Variants in DDI2 observed in about 807,000 individuals in gnomAD.
DDI2 encodes DDI proteasomal shuttling factor 2, also known as protein DDI1 homolog 2.
A neutral mutation model predicts 48.1 loss-of-function variants in DDI2; 5 were observed. The observed-to-expected ratio is 0.10, with a 90% confidence interval of 0.05 to 0.22. DDI2 has a LOEUF of 0.22. DDI2 is among the 10% of genes least tolerant of loss of function. The probability of loss-of-function intolerance (pLI) is 1.00; values close to 1 mark genes in which losing one functional copy is unlikely to be tolerated. For synonymous variants in DDI2, 205 were observed against 183.6 expected (o/e 1.12, Z -0.94); for missense variants, 285 against 506.2 (o/e 0.56, Z 4.19).
chr1:15,643,192 G>T (rs1640037220), intron 5 of DDI2, among the ~76,000 whole-genome samples: 1 of 152,250 alleles, frequency 6.6e-6, no homozygotes, highest in Non-Finnish European at 1.5e-5. Context: ...TCGGTAAGAA[G>T]TGCAAAGTAC....
In DDI2 at chr1:15,665,235, C is replaced by T. The variant is rs1640435159; in HGVS notation, c.*5445C>T. Reference sequence around the variant, plus strand: ...AGAGATCACGCCATTGCACTCCAGCCTGGGCAACAAGAGCAAAACTCTGTC... The same window carrying T: ...AGAGATCACGCCATTGCACTCCAGCTTGGGCAACAAGAGCAAAACTCTGTC... On this transcript the variant is annotated 3_prime_UTR_variant, in exon 10 of 10. Coordinates refer to ENST00000480945, the MANE Select transcript of DDI2 (RefSeq NM_032341.5). The T allele has an allele frequency of 7.0e-6, 1 of 142,068 alleles. No homozygotes were observed. 8.8% of individuals were successfully genotyped at this position (142,068 alleles called of 1,614,324 possible).
At chr1:15,644,593 T>G (rs1396691741) in intron 6 of DDI2, among the ~76,000 whole-genome samples, 21 of 128,696 alleles carry the variant, frequency 1.6e-4, no homozygotes, top group Non-Finnish European at 2.5e-4. Flanking sequence ...TTTTGTTTTT[T>G]TTTTTTTTTT....
At chr1:15,653,697 A>G (rs1353582176) in intron 8 of DDI2, among the ~76,000 whole-genome samples, 3 of 152,032 alleles carry the variant, frequency 2.0e-5, no homozygotes, top group African/African-American at 4.8e-5. Flanking sequence ...AGGTTTTGCC[A>G]TGTTGCCCAG....
chr1:15,630,428 A>C lies in DDI2; in HGVS notation c.372A>C (p.Glu124Asp). The C allele has an allele frequency of 6.2e-7, 1 of 1,614,258 alleles. No individual in the cohort carries two copies. Among genetic ancestry groups the C allele is most frequent in the Non-Finnish European group, 8.5e-7 (1 of 1,180,040 alleles). Residue 124 changes from glutamate (E) to aspartate (D), a missense_variant, in exon 3 of 10, where the codon GAA becomes GAC. Coordinates refer to ENST00000480945, the MANE Select transcript of DDI2 (RefSeq NM_032341.5). ...AGCAGTCCCACTCATCTCCTGGAGAAATAACTTCATCTCCTCAGGGCTTGG... is the reference window on the plus strand; with the variant it reads ...AGCAGTCCCACTCATCTCCTGGAGACATAACTTCATCTCCTCAGGGCTTGG... ...GTQQSHSSPGEITSSPQGLDN... is the reference protein window; with the variant it reads ...GTQQSHSSPGDITSSPQGLDN...
chr1:15,655,780 G>A (rs1431474107), intron 8 of DDI2, among the ~76,000 whole-genome samples: 2 of 150,410 alleles, frequency 1.3e-5, no homozygotes, highest in Admixed American at 6.6e-5. Context: ...AAAAAAATTA[G>A]CCAGGCATGG....
rs1346135096 is a variant in DDI2, at chr1:15,660,914, G to C, written c.*1124G>C. The C allele has an allele frequency of 3.7e-6, 6 of 1,613,682 alleles. No homozygotes were observed. The highest frequency in any genetic ancestry group is 5.1e-6 in the Non-Finnish European group (6 of 1,179,948). On this transcript the variant is annotated 3_prime_UTR_variant, in exon 10 of 10. Transcript: ENST00000480945. ...TCTGTGGAGTCAGCAGAAGAATCTT[G>C]CCCGTCTATAACGGCAGCCTTGAAA...
intron 5 of DDI2, 78 bp from the exon 6 acceptor site, chr1:15,643,444 A>G: frequency 1.9e-6 from 3 of 1,554,694 alleles, no homozygotes; most frequent in Non-Finnish European, 2.6e-6. Context: ...TCGCTTTGTT[A>G]TTATTTAGTG....
At chr1:15,651,608 C>T (rs1345872863) in intron 7 of DDI2, 98 bp from the exon 8 acceptor site, 31 of 1,183,006 alleles carry the variant, frequency 2.6e-5, no homozygotes, top group East Asian at 8.1e-5. Context: ...CATGAGTCAC[C>T]GTGCCTGGCC....
At chr1:15,645,560 T>G in intron 6 of DDI2, among the ~76,000 whole-genome samples, 1 of 152,232 alleles carries the variant, frequency 6.6e-6, no homozygotes, top group East Asian at 1.9e-4. Flanking sequence ...ATCCTTGGCA[T>G]CAGCTCACAT....
At chr1:15,657,460 C>G (rs1640289034) in intron 9 of DDI2, among the ~76,000 whole-genome samples, 1 of 152,110 alleles carries the variant, frequency 6.6e-6, no homozygotes, top group Admixed American at 6.6e-5. Flanking sequence ...TTGAATTATT[C>G]TTAATATCCA....
chr1:15,651,282 A>G (rs572637272), intron 7 of DDI2, among the ~76,000 whole-genome samples: 2 of 152,340 alleles, frequency 1.3e-5, no homozygotes, highest in South Asian at 2.1e-4. Flanking sequence ...TAAATCATAT[A>G]TGTGCACAAC....
At chr1:15,619,470 C>CTT (rs556693940) in intron 1 of DDI2, among the ~76,000 whole-genome samples, 2 of 125,694 alleles carry the variant, frequency 1.6e-5, no homozygotes, top group Non-Finnish European at 1.7e-5. Context: ...CTTTTCTTTT[C>CTT]TTTTTTTTTT....
At position 15,660,022 on chromosome 1, in the gene DDI2, G is replaced by T; in HGVS notation, c.*232G>T. 1 of 1,614,152 alleles carries T rather than the reference G, an allele frequency of 6.2e-7. No homozygotes were observed. The highest frequency in any genetic ancestry group is 8.5e-7 in the Non-Finnish European group (1 of 1,180,028). ...TGACTCAGATCGCATTGAACCTAAA[G>T]CTGTGAAGGCTTTGAAGGCTTCAGC... On this transcript the variant is annotated 3_prime_UTR_variant, in exon 10 of 10. Transcript: ENST00000480945.
In DDI2 at chr1:15,666,080, C is replaced by CTT. The variant is rs200455250; in HGVS notation, c.*6297_*6298dup. On this transcript the variant is annotated 3_prime_UTR_variant, in exon 10 of 10. Transcript: ENST00000480945. ...TAGGAGGTAGAGAAAATAAAAATAGCTTTTTTTTCCCTAGAATTGCTAATT... is the reference window on the plus strand; with the variant it reads ...TAGGAGGTAGAGAAAATAAAAATAGCTTTTTTTTTTCCCTAGAATTGCTAATT... The CTT allele has an allele frequency of 6.6e-6, 1 of 151,914 alleles. No homozygotes were observed. Among genetic ancestry groups the CTT allele is most frequent in the Non-Finnish European group, 1.5e-5 (1 of 67,960 alleles). 9.4% of individuals were successfully genotyped at this position (151,914 alleles called of 1,614,324 possible).
Position 15,652,550 on chromosome 1 carries a change from G to A in DDI2, c.1183+655G>A, listed in dbSNP as rs188570867. Among the ~76,000 whole-genome samples, 465 of 148,412 alleles carry A rather than the reference G, an allele frequency of 3.1e-3. 1 individual carries two copies. The highest frequency in any genetic ancestry group is 0.015 in the South Asian group (70 of 4,562). ...CTAAAAATATAAAAATTGGCCAGGC[G>A]CGGTGGCTCACGCCTGTAATCCCAG... On this transcript the variant is annotated intron_variant, in intron 8 of 9. Coordinates refer to ENST00000480945, the MANE Select transcript of DDI2 (RefSeq NM_032341.5).
Position 15,660,008 on chromosome 1 carries a change from G to T in DDI2, c.*218G>T, listed in dbSNP as rs144088253. On this transcript the variant is annotated 3_prime_UTR_variant, in exon 10 of 10. Transcript: ENST00000480945. The stretch of plus-strand genomic sequence containing the variant: ...CCTATCAAGCCCAGTGACTCAGATC[G>T]CATTGAACCTAAAGCTGTGAAGGCT... 2.5e-6 allele frequency: 4 copies of T among 1,614,144 alleles called. No homozygotes were observed. Among genetic ancestry groups the T allele is most frequent in the East Asian group, 4.5e-5 (2 of 44,882 alleles).
rs1570996155 is a variant in DDI2 at position 15,661,552 on chromosome 1, T to C, written c.*1762T>C. The C allele has an allele frequency of 6.2e-7, 1 of 1,614,180 alleles. No individual in the cohort carries two copies. ...TGAACCACCTACCAGCCATCCATCA[T>C]CAAGTCCTGCCATTCTTCCACCATT... On this transcript the variant is annotated 3_prime_UTR_variant, in exon 10 of 10. Transcript: ENST00000480945.
chr1:15,637,402 C>T (rs770575635), intron 4 of DDI2, among the ~76,000 whole-genome samples: 24 of 152,122 alleles, frequency 1.6e-4, no homozygotes, highest in Admixed American at 1.0e-3. Context: ...TTTGGTGTCT[C>T]GCTCTGTCGC....
intron 5 of DDI2, among the ~76,000 whole-genome samples, chr1:15,641,413 A>G (rs6659252): frequency 0.21 from 31,501 of 151,714 alleles, 3,411 homozygotes; most frequent in Middle Eastern, 0.26. Context: ...CAGAGATTGC[A>G]GTGGGCTGAG....
Sources: gnomAD v4.1 joint callset for allele counts (sites outside exome capture counted in the v4.1 genomes callset) on GRCh38, gnomAD v4.1.1 for gene constraint, MANE v1.5 for transcripts, NCBI Gene and HGNC (gene_info 2026-07-23, HGNC 2026-07-21) for gene names.